ATP5F1C: variants seen among roughly 807,000 people sequenced by gnomAD.
The protein encoded by ATP5F1C is ATP synthase F(1) complex subunit gamma, mitochondrial.
In ATP5F1C, 22 loss-of-function variants were observed where a neutral mutation model predicts 37.4. The ratio of observed to expected loss-of-function variants is 0.59; its 90% CI spans 0.42 to 0.84. The LOEUF (loss-of-function observed/expected upper bound fraction) is 0.84. Among genes scored for constraint, ATP5F1C ranks in the 40% least tolerant of loss-of-function variants. The pLI, the probability that ATP5F1C is intolerant of heterozygous loss-of-function variation, is 0.00. For synonymous variants in ATP5F1C, 121 were observed against 128.0 expected, an observed-to-expected ratio of 0.95 and a Z score of 0.37; for missense variants, 286 against 362.4, an observed-to-expected ratio of 0.79 and a Z score of 1.71.
chr10:7,799,795 T>G lies in ATP5F1C; in HGVS notation c.452T>G (p.Val151Gly). 1 of 1,614,216 alleles carries G rather than the reference T, an allele frequency of 6.2e-7. No individual in the cohort carries two copies. Among genetic ancestry groups the G allele is most frequent in the Non-Finnish European group, 8.5e-7 (1 of 1,180,046 alleles). ...AGGACTCATTCTGACCAGTTTCTGG[T>G]GGCATTCAAAGAAGTGGGAAGAAAG... is the stretch of plus-strand genomic sequence containing the variant. ...LYRTHSDQFL[V>G]AFKEVGRKPP... The change falls in exon 5 of 10, where the codon GTG becomes GGG. Residue 151 changes from valine (V) to glycine (G), a missense_variant. Physicochemically the swap from Val to Gly is moderately radical, Grantham distance 109. Coordinates refer to ENST00000356708, the MANE Select transcript of ATP5F1C (RefSeq NM_001001973.3).
intron 3 of ATP5F1C, among the ~76,000 whole-genome samples, chr10:7,797,809 C>T (rs1836269912): frequency 6.6e-6 from 1 of 152,164 alleles, no homozygotes; most frequent in Non-Finnish European, 1.5e-5. Context: ...TTTTCAAAAG[C>T]ATGAAGACAT....
chr10:7,803,963 AATT>A (rs1454492138), intron 8 of ATP5F1C, among the ~76,000 whole-genome samples: 1 of 152,178 alleles, frequency 6.6e-6, no homozygotes, highest in African/African-American at 2.4e-5. Flanking sequence ...TCAAAAAGGT[AATT>A]ATTTGAGTGC....
intron 8 of ATP5F1C, among the ~76,000 whole-genome samples, chr10:7,805,510 G>C (rs1478094821): frequency 6.6e-6 from 1 of 152,092 alleles, no homozygotes; most frequent in Non-Finnish European, 1.5e-5. Context: ...CACTTTGGGA[G>C]GCAGAGGTGG....
intron 3 of ATP5F1C, 108 bp from the exon 4 acceptor site, chr10:7,798,882 T>C (rs1337664605): frequency 7.3e-5 from 80 of 1,101,306 alleles, no homozygotes; most frequent in Non-Finnish European, 9.2e-5. Flanking sequence ...AGTTGCCAGC[T>C]AAATTTAAAT....
intron 1 of ATP5F1C, among the ~76,000 whole-genome samples, chr10:7,791,774 C>G (rs1198190198): frequency 1.3e-5 from 2 of 152,168 alleles, no homozygotes; most frequent in African/African-American, 2.4e-5. Flanking sequence ...TCAAATTGTA[C>G]CTAACAATTA....
chr10:7,795,225 A>T (rs1161329176), intron 1 of ATP5F1C, among the ~76,000 whole-genome samples: 4 of 152,188 alleles, frequency 2.6e-5, no homozygotes, highest in African/African-American at 9.7e-5. Context: ...CTCTTTCCTG[A>T]TCATGAATGC....
rs767033195 is a variant in ATP5F1C, at chr10:7,800,078, C to T, written c.624C>T (p.Thr208=). 291 of 1,613,900 alleles carry T rather than the reference C, an allele frequency of 1.8e-4. No individual in the cohort carries two copies. The Middle Eastern group carries it at 2.7e-3, about 15-fold the overall frequency. Residue 208 remains threonine, a synonymous_variant, in exon 6 of 10, where the codon ACC becomes ACT. Transcript: ENST00000356708. The part of the protein sequence containing the change: ...TEEKPIFSLN[T]VASADSMSIY... ...AAAAGCCCATCTTTTCCCTTAATAC[C>T]GTTGCAAGTGCTGGTAAGTAGTTTT...
intron 1 of ATP5F1C, among the ~76,000 whole-genome samples, chr10:7,794,045 T>G (rs1487158252): frequency 6.6e-6 from 1 of 152,182 alleles, no homozygotes; most frequent in Non-Finnish European, 1.5e-5. Context: ...AAAATAGATA[T>G]CAACTAAAAT....
rs75966748 is a variant in ATP5F1C, at chr10:7,792,672, T to G, written c.57-3449T>G. On this transcript the variant is annotated intron_variant, in intron 1 of 9. Coordinates refer to ENST00000356708, the MANE Select transcript of ATP5F1C (RefSeq NM_001001973.3). ...GCACTTAAGGTTTCTCCATGCCTTT[T>G]TATAACTTAATAGCTCCTTTGTGGT... Among the ~76,000 whole-genome samples, 212 of 152,344 alleles carry G rather than the reference T, an allele frequency of 1.4e-3. 1 individual carries two copies. Among genetic ancestry groups the G allele is most frequent in the African/African-American group, 4.7e-3 (196 of 41,576 alleles).
chr10:7,800,341 A>G (rs879500080), intron 6 of ATP5F1C, among the ~76,000 whole-genome samples: 20 of 149,220 alleles, frequency 1.3e-4, no homozygotes, highest in Admixed American at 8.0e-4. Flanking sequence ...GACTACAGGC[A>G]CCCGCCACCA....
chr10:7,802,197 C>G (rs1836379002), intron 6 of ATP5F1C, 73 bp from the exon 7 acceptor site: 1 of 1,470,956 alleles, frequency 6.8e-7, no homozygotes, highest in Non-Finnish European at 9.1e-7. Flanking sequence ...GAGTTTTACA[C>G]TGAAAAGCTG....
At chr10:7,807,080 T>C in intron 9 of ATP5F1C, 70 bp downstream of exon 9, 2 of 1,437,930 alleles carry the variant, frequency 1.4e-6, no homozygotes, top group Non-Finnish European at 1.9e-6. Flanking sequence ...TAAGCTAATT[T>C]AGTAATCCTA....
At chr10:7,801,869 C>T (rs2131072912) in intron 6 of ATP5F1C, among the ~76,000 whole-genome samples, 1 of 152,258 alleles carries the variant, frequency 6.6e-6, no homozygotes, top group South Asian at 2.1e-4. Context: ...GGATGCTCAA[C>T]CTGTATTACA....
intron 1 of ATP5F1C, 41 bp downstream of exon 1, chr10:7,788,304 T>A: frequency 6.2e-7 from 1 of 1,606,264 alleles, no homozygotes; most frequent in Non-Finnish European, 8.5e-7. Context: ...CCGCAAGGGA[T>A]GGAAGAGCTT....
Position 7,800,063 on chromosome 10 carries a change from C to G in ATP5F1C, c.609C>G (p.Ile203Met), listed in dbSNP as rs760933373. 1 of 1,614,030 alleles carries G rather than the reference C, an allele frequency of 6.2e-7. No homozygotes were observed. The highest frequency in any genetic ancestry group is 1.1e-5 in the South Asian group (1 of 91,084). ...VISYKTEEKP[I>M]FSLNTVASAD... is the part of the protein sequence containing the mutation. Reference sequence around the variant, plus strand: ...CCTATAAGACAGAAGAAAAGCCCATCTTTTCCCTTAATACCGTTGCAAGTG... The same window carrying G: ...CCTATAAGACAGAAGAAAAGCCCATGTTTTCCCTTAATACCGTTGCAAGTG... Residue 203 changes from isoleucine (I) to methionine (M), a missense_variant, in exon 6 of 10, where the codon ATC becomes ATG. Physicochemically the swap from Ile to Met is conservative, Grantham distance 10. Coordinates refer to ENST00000356708, the MANE Select transcript of ATP5F1C (RefSeq NM_001001973.3).
At chr10:7,804,246 T>C (rs1206994330) in intron 8 of ATP5F1C, 4 of 516,518 alleles carry the variant, frequency 7.7e-6, no homozygotes, top group African/African-American at 1.9e-5. Flanking sequence ...CTTGTGACAG[T>C]GTTATGAGGA....
At chr10:7,797,230 A>C (rs200641275) in intron 3 of ATP5F1C, 52 bp downstream of exon 3, 14 of 1,597,994 alleles carry the variant, frequency 8.8e-6, no homozygotes, top group Non-Finnish European at 1.2e-5. Flanking sequence ...CACACAAGGA[A>C]GACTACTGAT....
chr10:7,790,968 A>G (rs1836153608), intron 1 of ATP5F1C, among the ~76,000 whole-genome samples: 1 of 152,168 alleles, frequency 6.6e-6, no homozygotes, highest in Non-Finnish European at 1.5e-5. Flanking sequence ...CATCAAATGT[A>G]ATGTAAGAAG....
intron 8 of ATP5F1C, among the ~76,000 whole-genome samples, chr10:7,803,249 T>C (rs564497085): frequency 1.8e-4 from 17 of 95,986 alleles, no homozygotes; most frequent in East Asian, 1.7e-3. Context: ...TTTTTAATCA[T>C]TATGTTTTTT....
Sources: allele counts gnomAD v4.1 joint callset (sites outside exome capture counted in the v4.1 genomes callset), GRCh38; gene constraint gnomAD v4.1.1; transcripts MANE v1.5; gene names NCBI Gene and HGNC (gene_info 2026-07-23, HGNC 2026-07-21).